Variants in CCND3 observed in about 807,000 individuals in gnomAD.
CCND3 encodes the protein cyclin D3, also known as G1/S-specific cyclin-D3.
A neutral mutation model predicts 28.7 loss-of-function variants in CCND3; 9 were observed. That is an observed-to-expected ratio of 0.31 (90% CI 0.19 to 0.55). CCND3 has a LOEUF of 0.55. CCND3 is among the 20% of genes least tolerant of loss of function. The pLI is 0.93. For synonymous variants in CCND3, 164 were observed against 163.9 expected, an observed-to-expected ratio of 1.00 and a Z score of 0.00; for missense variants, 315 against 385.8, an observed-to-expected ratio of 0.82 and a Z score of 1.54.
chr6:41,964,780 C>A (rs747965405), intron 1 of CCND3, among the ~76,000 whole-genome samples: 7 of 144,654 alleles, frequency 4.8e-5, no homozygotes, highest in Non-Finnish European at 9.5e-5. Context: ...ACCCTGAGTG[C>A]TAAGCATTAA....
intron 1 of CCND3, among the ~76,000 whole-genome samples, chr6:42,039,095 A>AT (rs1184450026): frequency 1.3e-5 from 2 of 152,258 alleles, no homozygotes; most frequent in African/African-American, 2.4e-5. Flanking sequence ...CAGGCTTAAC[A>AT]TAATGCTTAA....
chr6:41,968,231 A>G (rs1392394951), intron 1 of CCND3, among the ~76,000 whole-genome samples: 1 of 152,176 alleles, frequency 6.6e-6, no homozygotes, highest in Non-Finnish European at 1.5e-5. Flanking sequence ...CTCATATATG[A>G]AAGAAACTTT....
At chr6:41,998,462 C>T (rs1343536130) in intron 1 of CCND3, among the ~76,000 whole-genome samples, 1 of 151,156 alleles carries the variant, frequency 6.6e-6, no homozygotes, top group African/African-American at 2.4e-5. Context: ...GATTCTCTTG[C>T]CTCAGCCTCC....
intron 1 of CCND3, among the ~76,000 whole-genome samples, chr6:42,016,476 C>T (rs1763515427): frequency 6.6e-6 from 1 of 152,140 alleles, no homozygotes; most frequent in South Asian, 2.1e-4. Context: ...ATAATAATAG[C>T]TCCTACCTCA....
intron 1 of CCND3, among the ~76,000 whole-genome samples, chr6:41,997,266 G>C (rs1312971328): frequency 6.6e-6 from 1 of 152,216 alleles, no homozygotes; most frequent in Non-Finnish European, 1.5e-5. Flanking sequence ...GTATGAAGCA[G>C]CAACCTTTGC....
Position 41,936,209 on chromosome 6 carries a change from A to G in CCND3, c.712-102T>C, listed in dbSNP as rs1582080787. 5 of 1,296,348 alleles carry G rather than the reference A, an allele frequency of 3.9e-6. No individual in the cohort carries two copies. Among genetic ancestry groups the G allele is most frequent in the African/African-American group, 3.0e-5 (2 of 67,494 alleles). The allele number at this position is 1,296,348 out of a possible 1,614,324, so 80.3% of individuals were successfully genotyped here. On this transcript the variant is annotated intron_variant, in intron 4 of 4. Transcript: ENST00000372991. The surrounding 1 kb of genome is among the most constrained non-coding windows in gnomAD (Gnocchi z 4.4). ...TCCCAACACATGGGGAAGTCTGGGG[A>G]GGTTAGGCCACAGCCCGGCCCCAGG...
intron 1 of CCND3, among the ~76,000 whole-genome samples, chr6:41,965,457 C>T (rs1382798513): frequency 5.3e-5 from 8 of 152,156 alleles, no homozygotes; most frequent in Non-Finnish European, 1.2e-4. Flanking sequence ...CTCCCACTCC[C>T]CTGGATTGCC....
chr6:42,049,337 G>A (rs1194500217), upstream of CCND3, among the ~76,000 whole-genome samples: 2 of 152,056 alleles, frequency 1.3e-5, no homozygotes, highest in African/African-American at 4.8e-5. Context: ...GCGCCCGGCC[G>A]ATTTCTTGAC....
intron 1 of CCND3, among the ~76,000 whole-genome samples, chr6:42,047,168 C>G (rs1358688903): frequency 6.6e-6 from 1 of 152,154 alleles, no homozygotes; most frequent in Non-Finnish European, 1.5e-5. Context: ...TGTTTGGGAC[C>G]ATGGAGGTCA....
chr6:42,033,224 G>A (rs12202546), intron 1 of CCND3, among the ~76,000 whole-genome samples: 10,215 of 152,020 alleles, frequency 0.067, 505 homozygotes, highest in East Asian at 0.23. Flanking sequence ...GGCCGAGGCA[G>A]GTGGATCACC....
chr6:41,946,540 G>A (rs984130084), upstream of CCND3, among the ~76,000 whole-genome samples: 6 of 129,198 alleles, frequency 4.6e-5, no homozygotes, highest in African/African-American at 1.5e-4. Context: ...GATGGAGATT[G>A]CAGTGAGCCC....
In CCND3 at chr6:42,048,791, C is replaced by T. The variant is rs2127444170; in HGVS notation, c.-336G>A. 1 of 435,322 alleles carries T rather than the reference C, an allele frequency of 2.3e-6. No individual in the cohort carries two copies. The highest frequency in any genetic ancestry group is 4.5e-6 in the Non-Finnish European group (1 of 219,816). The allele number at this position is 435,322 out of a possible 1,614,324, so 27.0% of individuals were successfully genotyped here. A position where few individuals can be genotyped will look rare whatever the true frequency, so the allele number is the denominator to read the frequency against. ...GTGCTCTGCTCAGCCAAGTTTCGGT[C>T]CCCGGCCTGACTCTCCCACCCCCTG... On this transcript the variant is annotated 5_prime_UTR_variant, in exon 1 of 5. Coordinates refer to the CCND3 transcript ENST00000372988. This position sits in a 1 kb window ranked among gnomAD's most constrained non-coding sequence, Gnocchi z 4.7.
In CCND3 at chr6:41,983,303, A is replaced by G. The variant is rs1762398274; in HGVS notation, c.-45-42718T>C. ...TGAGGTAGGAAAATCGCTTGAGCCCAGGAGGTTGCACTGAGTCGAGATCGT... is the reference window on the plus strand; with the variant it reads ...TGAGGTAGGAAAATCGCTTGAGCCCGGGAGGTTGCACTGAGTCGAGATCGT... On this transcript the variant is annotated intron_variant, in intron 1 of 4. Transcript: ENST00000372988. Among the ~76,000 whole-genome samples the G allele has an allele frequency of 2.0e-5, 3 of 151,142 alleles. No individual in the cohort carries two copies. In the South Asian group the frequency reaches 6.3e-4, roughly 32 times the overall value.
chr6:42,033,455 A>T (rs114057280), intron 1 of CCND3, among the ~76,000 whole-genome samples: 10,331 of 130,216 alleles, frequency 0.079, 419 homozygotes, highest in East Asian at 0.16. Context: ...ATCTAAAAAA[A>T]AAATATATAT....
intron 1 of CCND3, among the ~76,000 whole-genome samples, chr6:42,029,387 G>C (rs1185102917): frequency 6.6e-6 from 1 of 152,158 alleles, no homozygotes; most frequent in Non-Finnish European, 1.5e-5. Flanking sequence ...CTGGCTGGCA[G>C]TGGCTATAGA....
chr6:42,016,582 ACTAT>A (rs71762341), intron 1 of CCND3, among the ~76,000 whole-genome samples: 111,397 of 143,930 alleles, frequency 0.77, 43,876 homozygotes, highest in Non-Finnish European at 0.85. Flanking sequence ...AGCTGCTATT[ACTAT>A]CTATTACTTT....
At chr6:41,957,720 G>C (rs1020388820) in intron 1 of CCND3, among the ~76,000 whole-genome samples, 1 of 152,180 alleles carries the variant, frequency 6.6e-6, no homozygotes, top group African/African-American at 2.4e-5. Context: ...ATGAAGATGT[G>C]TGCTTTGATT....
chr6:41,951,256 A>G (rs1776304331), intron 1 of CCND3, among the ~76,000 whole-genome samples: 1 of 151,356 alleles, frequency 6.6e-6, no homozygotes. Flanking sequence ...GCAGGAGTTT[A>G]GAGATTAAGT....
At chr6:41,941,986 C>G (rs1162199010), upstream of CCND3, 2 of 165,002 alleles carry the variant, frequency 1.2e-5, no homozygotes, top group African/African-American at 4.8e-5. The surrounding 1 kb of genome is among the most constrained non-coding windows in gnomAD (Gnocchi z 6.1). Flanking sequence ...CACTCCAGGC[C>G]CTCTGGACCA....
Sources: allele counts gnomAD v4.1 joint callset (sites outside exome capture counted in the v4.1 genomes callset), GRCh38; gene constraint gnomAD v4.1.1; non-coding constraint Gnocchi (gnomAD v3.1); transcripts MANE v1.5; gene names NCBI Gene and HGNC (gene_info 2026-07-23, HGNC 2026-07-21).